Variants in PKHD1L1 observed in about 807,000 individuals in gnomAD.
PKHD1L1 encodes PKHD1 like 1.
PKHD1L1 carries 434 observed loss-of-function variants against 462.9 expected under a neutral mutation model. The observed-to-expected ratio is 0.94, with a 90% CI of 0.87 to 1.02. The LOEUF is 1.02. Ranked by LOEUF, PKHD1L1 falls within the 50% of genes least tolerant of loss-of-function variation. PKHD1L1 has a pLI of 0.00. For missense variants in PKHD1L1, 5,202 were observed against 5,096.1 expected (o/e 1.02, Z -0.63); for synonymous variants, 1,781 against 1,750.0 (o/e 1.02, Z -0.44).
intron 29 of PKHD1L1, among the ~76,000 whole-genome samples, chr8:109,435,899 C>T (rs767847362): frequency 6.6e-6 from 1 of 152,058 alleles, no homozygotes; most frequent in Non-Finnish European, 1.5e-5. Flanking sequence ...TATTTCATCG[C>T]TTATTTTTAA....
chr8:109,430,853 A>G (rs914998094), intron 27 of PKHD1L1, among the ~76,000 whole-genome samples: 13 of 152,158 alleles, frequency 8.5e-5, no homozygotes, highest in Non-Finnish European at 1.5e-5. Flanking sequence ...CTTTGAGATA[A>G]TTCATGTTAC....
rs145408242 is a variant in PKHD1L1, at chr8:109,412,334, C to T, written c.2155C>T (p.Pro719Ser). ...AYCGRYSLKN[P>S]AVLFDSADVK... is the part of the protein sequence containing the mutation. ...CTGTGGTCGTTATTCCCTGAAAAAC[C>T]CAGCTGTTCTTTTTGACTCAGCAGA... Residue 719 changes from proline to serine, a missense_variant, in exon 20 of 78, where the codon CCA becomes TCA. Pro to Ser is a moderately conservative substitution (Grantham distance 74, BLOSUM62 -1). This residue lies in a region of PKHD1L1 where 4,497 missense variants were observed against 4,336.8 expected (regional missense o/e 1.04). Transcript: ENST00000378402. The T allele has an allele frequency of 2.1e-3, 3,457 of 1,613,658 alleles. 5 individuals are homozygous for T. Among genetic ancestry groups the T allele is most frequent in the Non-Finnish European group, 2.7e-3 (3,242 of 1,179,722 alleles).
At chr8:109,387,535 C>T (rs1365188444) in intron 6 of PKHD1L1, among the ~76,000 whole-genome samples, 3 of 152,084 alleles carry the variant, frequency 2.0e-5, no homozygotes, top group Non-Finnish European at 4.4e-5. Context: ...TAGTTACTAA[C>T]TCATAAGATG....
At chr8:109,371,910 T>C (rs1247599323) in intron 2 of PKHD1L1, among the ~76,000 whole-genome samples, 1 of 152,126 alleles carries the variant, frequency 6.6e-6, no homozygotes, top group Non-Finnish European at 1.5e-5. Flanking sequence ...ACTGTAGCCT[T>C]GTAGTATAGT....
At chr8:109,485,397 T>A (rs898994837) in intron 58 of PKHD1L1, among the ~76,000 whole-genome samples, 2 of 152,014 alleles carry the variant, frequency 1.3e-5, no homozygotes, top group African/African-American at 4.8e-5. Context: ...AAAGACTTAC[T>A]GTTTGACATT....
chr8:109,403,337 C>T (rs1408785618), intron 14 of PKHD1L1, among the ~76,000 whole-genome samples: 1 of 152,052 alleles, frequency 6.6e-6, no homozygotes, highest in Non-Finnish European at 1.5e-5. Flanking sequence ...TCTTTTTGGT[C>T]ACCTTATTTT....
At chr8:109,380,202 A>C (rs143128007) in intron 2 of PKHD1L1, among the ~76,000 whole-genome samples, 1 of 149,628 alleles carries the variant, frequency 6.7e-6, no homozygotes, top group African/African-American at 2.6e-5. Context: ...CTTAGCAGAG[A>C]TCTCAGCTGG....
chr8:109,391,885 G>C (rs1476729018), intron 9 of PKHD1L1, among the ~76,000 whole-genome samples: 3 of 152,122 alleles, frequency 2.0e-5, no homozygotes, highest in Non-Finnish European at 4.4e-5. Context: ...ACACCTAGAG[G>C]CAATCGGTGT....
intron 23 of PKHD1L1, among the ~76,000 whole-genome samples, chr8:109,421,167 A>G (rs550808371): frequency 6.6e-6 from 1 of 151,842 alleles, no homozygotes; most frequent in South Asian, 2.1e-4. Flanking sequence ...AATATTAAAT[A>G]TTACAAATAT....
chr8:109,402,233 A>G (rs1813308781), intron 14 of PKHD1L1, among the ~76,000 whole-genome samples: 1 of 152,208 alleles, frequency 6.6e-6, no homozygotes, highest in Non-Finnish European at 1.5e-5. Flanking sequence ...TACATGAAGA[A>G]CATCAAAAGA....
At chr8:109,412,216 A>C in intron 19 of PKHD1L1, 49 bp from the exon 20 acceptor site, 1 of 1,601,104 alleles carries the variant, frequency 6.2e-7, no homozygotes. Context: ...TTGGGGGAAA[A>C]CCAGAACAAT....
At chr8:109,392,686 A>T (rs2130491233) in intron 9 of PKHD1L1, among the ~76,000 whole-genome samples, 1 of 152,244 alleles carries the variant, frequency 6.6e-6, no homozygotes, top group South Asian at 2.1e-4. Flanking sequence ...AAAGATAAAA[A>T]ATCTTACATT....
chr8:109,510,975 T>C lies in PKHD1L1; in HGVS notation c.11553+41T>C, dbSNP rs902434263. 1.9e-6 allele frequency: 3 copies of C among 1,591,846 alleles called. No homozygotes were observed. The Admixed American group carries it at 5.1e-5, about 27-fold the overall frequency. Reference sequence around the variant, plus strand: ...TTAAGAGTAATTGCTGTTGATTATTTGCATGTTATTTCTATCTGCTAAGGC... The same window carrying C: ...TTAAGAGTAATTGCTGTTGATTATTCGCATGTTATTTCTATCTGCTAAGGC... On this transcript the variant is annotated intron_variant, in intron 71 of 77. Transcript: ENST00000378402.
chr8:109,467,328 C>A (rs1817497213), intron 50 of PKHD1L1, among the ~76,000 whole-genome samples: 1 of 152,116 alleles, frequency 6.6e-6, no homozygotes, highest in South Asian at 2.1e-4. Flanking sequence ...TGGTGAAAAT[C>A]CTGAATCTCA....
At chr8:109,420,740 A>AT in intron 23 of PKHD1L1, 50 bp downstream of exon 23, 2 of 1,342,344 alleles carry the variant, frequency 1.5e-6, no homozygotes, top group Admixed American at 5.3e-5. Flanking sequence ...TTTATTTTTA[A>AT]TTTTTTTAAA....
At chr8:109,385,514 T>C (rs930636857) in intron 5 of PKHD1L1, 23 bp from the exon 6 acceptor site, 2 of 1,472,958 alleles carry the variant, frequency 1.4e-6, no homozygotes, top group African/African-American at 1.4e-5. Context: ...CAGAATCTTT[T>C]TGGGGTTTTT....
rs767284897 is a variant in PKHD1L1, at chr8:109,464,659, CG to C, written c.7828del (p.Glu2610AsnfsTer65). On this transcript the variant is annotated frameshift_variant, in exon 49 of 78. Coordinates refer to ENST00000378402, the MANE Select transcript of PKHD1L1 (RefSeq NM_177531.6). LOFTEE classifies it high-confidence loss of function. The part of the protein sequence containing the change: ...NICQKRVPLG[E>X]FFNNTVHSQG... ...TTTGTCAAAAAAGAGTTCCCCTTGG[CG>C]AATTTTTTAACAATACTGTCCATTC... is the stretch of plus-strand genomic sequence containing the variant. 5 of 1,612,890 alleles carry C rather than the reference CG, an allele frequency of 3.1e-6. No homozygotes were observed. Among genetic ancestry groups the C allele is most frequent in the Non-Finnish European group, 4.2e-6 (5 of 1,179,768 alleles).
intron 2 of PKHD1L1, among the ~76,000 whole-genome samples, chr8:109,373,631 T>C (rs1026525357): frequency 3.3e-5 from 5 of 152,240 alleles, no homozygotes; most frequent in Non-Finnish European, 7.3e-5. Flanking sequence ...TGCTTTCTCT[T>C]GCAGGCATTT....
intron 22 of PKHD1L1, 130 bp downstream of exon 22, chr8:109,419,390 GAAT>G (rs1292017019): frequency 4.5e-5 from 28 of 628,880 alleles, no homozygotes; most frequent in East Asian, 1.2e-4. Flanking sequence ...TCTTTTATCT[GAAT>G]AATATTATGA....
Sources: allele counts gnomAD v4.1 joint callset (sites outside exome capture counted in the v4.1 genomes callset), GRCh38; gene constraint gnomAD v4.1.1; regional missense constraint gnomAD v4.1.1; transcripts MANE v1.5; gene names NCBI Gene and HGNC (gene_info 2026-07-23, HGNC 2026-07-21).